RASGRP4: variants seen among roughly 807,000 people sequenced by gnomAD.
RASGRP4 encodes RAS guanyl-releasing protein 4.
A neutral mutation model predicts 84.4 loss-of-function variants in RASGRP4; 52 were observed. That is an observed-to-expected ratio of 0.62 (90% confidence interval 0.49 to 0.78). The LOEUF is 0.78. Among genes scored for constraint, RASGRP4 ranks in the 30% least tolerant of loss-of-function variants. The pLI, the probability that RASGRP4 is intolerant of heterozygous loss-of-function variation, is 0.00. For synonymous variants in RASGRP4, 356 were observed against 359.1 expected, an observed-to-expected ratio of 0.99 and a Z score of 0.10; for missense variants, 760 against 886.9, an observed-to-expected ratio of 0.86 and a Z score of 1.82.
Position 38,409,982 on chromosome 19 carries a change from G to A in RASGRP4, c.*58C>T, listed in dbSNP as rs1185354177. 2.1e-6 allele frequency: 3 copies of A among 1,436,078 alleles called. No homozygotes were observed. Among genetic ancestry groups the A allele is most frequent in the African/African-American group, 1.4e-5 (1 of 69,352 alleles). 89.0% of individuals were successfully genotyped at this position (1,436,078 alleles called of 1,614,324 possible). On this transcript the variant is annotated 3_prime_UTR_variant, in exon 17 of 17. Transcript: ENST00000615439. Reference sequence around the variant, plus strand: ...CTGGGAGCCCTGCCAGAGTCTGACGGCAGGACTCAGGACTGACTGGGGGAA... The same window carrying A: ...CTGGGAGCCCTGCCAGAGTCTGACGACAGGACTCAGGACTGACTGGGGGAA...
rs1299604141 is a variant in RASGRP4 at position 38,426,187 on chromosome 19, C to T, written c.-96G>A. On this transcript the variant is annotated 5_prime_UTR_variant, in exon 1 of 17. Transcript: ENST00000615439. ...CTCCAGCTTCTCAGCCCCTAGGGAGCTGGGGCCTCCTCGGTGCTTGGGAAG... is the reference window on the plus strand; with the variant it reads ...CTCCAGCTTCTCAGCCCCTAGGGAGTTGGGGCCTCCTCGGTGCTTGGGAAG... The T allele has an allele frequency of 1.0e-5, 10 of 1,003,552 alleles. No individual in the cohort carries two copies. The East Asian group carries it at 2.3e-4, about 23-fold the overall frequency. 62.2% of individuals were successfully genotyped at this position (1,003,552 alleles called of 1,614,324 possible).
chr19:38,413,129 C>T lies in RASGRP4; in HGVS notation c.1416+64G>A, dbSNP rs1041506967. On this transcript the variant is annotated intron_variant, in intron 11 of 16. Coordinates refer to ENST00000615439, the MANE Select transcript of RASGRP4 (RefSeq NM_170604.3). The surrounding 1 kb of genome is among the most constrained non-coding windows in gnomAD (Gnocchi z 4.7). ...ATGGCCATAAGTCCCCACCTCCAGG[C>T]TCAGGGTTCTACAGATGTCTTCCCT... 20 of 1,581,068 alleles carry T rather than the reference C, an allele frequency of 1.3e-5. No individual in the cohort carries two copies. Among genetic ancestry groups the T allele is most frequent in the African/African-American group, 6.7e-5 (5 of 74,190 alleles).
In RASGRP4 at chr19:38,426,133, T is replaced by G. The variant is rs756991411; in HGVS notation, c.-42A>C. 8 of 1,305,460 alleles carry G rather than the reference T, an allele frequency of 6.1e-6. No individual in the cohort carries two copies. Among genetic ancestry groups the G allele is most frequent in the South Asian group, 3.0e-5 (1 of 33,668 alleles). The allele number at this position is 1,305,460 out of a possible 1,614,324, so 80.9% of individuals were successfully genotyped here. A position where few individuals can be genotyped will look rare whatever the true frequency, so the allele number is the denominator to read the frequency against. On this transcript the variant is annotated 5_prime_UTR_variant, in exon 1 of 17. Transcript: ENST00000615439. Reference sequence around the variant, plus strand: ...GAGGAGGCCGGGGGTCTTGCAAGAGTAGGGCTCAGCTCCTCCCCTTGCCCA... The same window carrying G: ...GAGGAGGCCGGGGGTCTTGCAAGAGGAGGGCTCAGCTCCTCCCCTTGCCCA...
In RASGRP4 at chr19:38,411,206, C is replaced by G; in HGVS notation, c.1761G>C (p.Lys587Asn). ...CCCCTGGCCTCTTCTTACATTCTACCTTCACCTGGTCTCTGCAGTGTTTGT... is the reference window on the plus strand; with the variant it reads ...CCCCTGGCCTCTTCTTACATTCTACGTTCACCTGGTCTCTGCAGTGTTTGT... The part of the protein sequence containing the change: ...CCHKHCRDQV[K>N]VECKKRPGAK... The change falls in exon 15 of 17, where the codon AAG becomes AAC. Residue 587 changes from lysine (K) to asparagine (N), a missense_variant. Transcript: ENST00000615439. The G allele has an allele frequency of 6.2e-7, 1 of 1,613,964 alleles. No homozygotes were observed. The highest frequency in any genetic ancestry group is 8.5e-7 in the Non-Finnish European group (1 of 1,179,874).
chr19:38,425,904 C>A (rs1261404267), intron 1 of RASGRP4, among the ~76,000 whole-genome samples, 165 bp downstream of exon 1: 1 of 152,174 alleles, frequency 6.6e-6, no homozygotes, highest in Non-Finnish European at 1.5e-5. Context: ...CAAGCGACTG[C>A]AGCCGTAGCT....
In RASGRP4 at chr19:38,413,160, C is replaced by T. The variant is rs1216006386; in HGVS notation, c.1416+33G>A. ...GTTCTACAGATGTCTTCCCTCCTGG[C>T]TGCTGGCGGCCGGGCCACCCTCCCC... On this transcript the variant is annotated intron_variant, in intron 11 of 16. Coordinates refer to ENST00000615439, the MANE Select transcript of RASGRP4 (RefSeq NM_170604.3). The surrounding 1 kb of genome is among the most constrained non-coding windows in gnomAD (Gnocchi z 4.7). 25 of 1,598,538 alleles carry T rather than the reference C, an allele frequency of 1.6e-5. No individual in the cohort carries two copies. Among genetic ancestry groups the T allele is most frequent in the Non-Finnish European group, 2.0e-5 (23 of 1,167,006 alleles).
chr19:38,417,809 G>A lies in RASGRP4; in HGVS notation c.837+582C>T, dbSNP rs186057653. On this transcript the variant is annotated intron_variant, in intron 7 of 16. Coordinates refer to ENST00000615439, the MANE Select transcript of RASGRP4 (RefSeq NM_170604.3). This position sits in a 1 kb window ranked among gnomAD's most constrained non-coding sequence, Gnocchi z 5.1. ...GAGACCCCCAGGTCTCAGGGGCCCT[G>A]CAGGAGTAAGCAAGCCAGGGAAGAC... Among the ~76,000 whole-genome samples, 684 of 152,302 alleles carry A rather than the reference G, an allele frequency of 4.5e-3. 5 individuals carry two copies. Among genetic ancestry groups the A allele is most frequent in the African/African-American group, 0.016 (659 of 41,566 alleles).
intron 1 of RASGRP4, among the ~76,000 whole-genome samples, chr19:38,425,470 A>G (rs1365933672): frequency 6.6e-6 from 1 of 152,178 alleles, no homozygotes; most frequent in Non-Finnish European, 1.5e-5. Flanking sequence ...TGGGGAGGAA[A>G]GCCCTTTGCC....
At chr19:38,416,954 A>T in intron 8 of RASGRP4, 98 bp downstream of exon 8, 4 of 736,740 alleles carry the variant, frequency 5.4e-6, no homozygotes, top group Non-Finnish European at 9.7e-6. Flanking sequence ...ATGTGGTACC[A>T]GGACCCCTGG....
Position 38,409,939 on chromosome 19 carries a change from G to T in RASGRP4, c.*101C>A, listed in dbSNP as rs1210588310. 3.7e-6 allele frequency: 3 copies of T among 808,334 alleles called. No individual in the cohort carries two copies. The highest frequency in any genetic ancestry group is 3.5e-5 in the African/African-American group (2 of 57,156). The allele number at this position is 808,334 out of a possible 1,614,324, so 50.1% of individuals were successfully genotyped here. A position where few individuals can be genotyped will look rare whatever the true frequency, so the allele number is the denominator to read the frequency against. On this transcript the variant is annotated 3_prime_UTR_variant, in exon 17 of 17. Coordinates refer to ENST00000615439, the MANE Select transcript of RASGRP4 (RefSeq NM_170604.3). ...AGGCAGTGTGGATGGGAAGGCGGAT[G>T]CCTCTGGAGGCCTACCTCTGGGAGC...
rs1220387828 is a variant in RASGRP4, at chr19:38,411,228, T to C, written c.1739A>G (p.Lys580Arg). The C allele has an allele frequency of 9.9e-6, 16 of 1,613,860 alleles. No individual in the cohort carries two copies. The highest frequency in any genetic ancestry group is 1.2e-5 in the Non-Finnish European group (14 of 1,179,888). Reference sequence around the variant, plus strand: ...TACCTTCACCTGGTCTCTGCAGTGTTTGTGGCAACACAGCCCGCACTCTGG... The same window carrying C: ...TACCTTCACCTGGTCTCTGCAGTGTCTGTGGCAACACAGCCCGCACTCTGG... ...RCRECGLCCHKHCRDQVKVEC... is the reference protein window; with the variant it reads ...RCRECGLCCHRHCRDQVKVEC... The change falls in exon 15 of 17, where the codon AAA (lysine) becomes AGA (arginine). Residue 580 changes from lysine (K) to arginine (R), a missense_variant. Transcript: ENST00000615439.
At chr19:38,411,816 G>A (rs1734971385) in intron 13 of RASGRP4, among the ~76,000 whole-genome samples, 1 of 152,216 alleles carries the variant, frequency 6.6e-6, no homozygotes, top group African/African-American at 2.4e-5. Context: ...GTTGTCTGCT[G>A]TATTCCTGCT....
At chr19:38,425,334 G>A (rs1406392047) in intron 1 of RASGRP4, among the ~76,000 whole-genome samples, 2 of 152,132 alleles carry the variant, frequency 1.3e-5, no homozygotes, top group Admixed American at 6.5e-5. Flanking sequence ...AGGCCTCTCC[G>A]AGGTAGAGGA....
rs1407440842 is a variant in RASGRP4, at chr19:38,422,150, C to T, written c.27G>A (p.Lys9=). The T allele has an allele frequency of 8.1e-6, 13 of 1,607,886 alleles. No individual in the cohort carries two copies. The highest frequency in any genetic ancestry group is 1.1e-5 in the Non-Finnish European group (13 of 1,177,586). The change falls in exon 2 of 17, where the codon AAG becomes AAA. Residue 9 remains lysine (K), a synonymous_variant. Transcript: ENST00000615439. MNRKDSKR[K]SHQECTGKIG... ...TTTTTCCGGTGCATTCCTGGTGGGA[C>T]TTCCTGTGGGCACAGCCCCCAAGGA...
At position 38,414,721 on chromosome 19, in the gene RASGRP4, A is replaced by C. The variant is rs140728979; in HGVS notation, c.1230+127T>G. The C allele has an allele frequency of 3.6e-4, 347 of 968,278 alleles. 1 individual carries two copies. The East Asian group carries it at 6.8e-3, about 19-fold the overall frequency. 60.0% of individuals were successfully genotyped at this position (968,278 alleles called of 1,614,324 possible). A position where few individuals can be genotyped will look rare whatever the true frequency, so the allele number is the denominator to read the frequency against. On this transcript the variant is annotated intron_variant, in intron 9 of 16. Coordinates refer to ENST00000615439, the MANE Select transcript of RASGRP4 (RefSeq NM_170604.3). Reference sequence around the variant, plus strand: ...TCACGCAGCTAGAAAAAAACCTAGAAGTTCTGGCTTCAAAACCCATGCACT... The same window carrying C: ...TCACGCAGCTAGAAAAAAACCTAGACGTTCTGGCTTCAAAACCCATGCACT...
Position 38,410,976 on chromosome 19 carries a change from GTAGGAGTGAT to G in RASGRP4, c.1865_1874del (p.Asn622ThrfsTer36). On this transcript the variant is annotated frameshift_variant, in exon 16 of 17. Coordinates refer to ENST00000615439, the MANE Select transcript of RASGRP4 (RefSeq NM_170604.3). LOFTEE classifies it high-confidence loss of function. Reference sequence around the variant, plus strand: ...CAGTCTCAGGCTCCAGGGATAGCGTGTAGGAGTGATTTTCCTCGGAGCCTGTTTGTGGGTG... The same window carrying G: ...CAGTCTCAGGCTCCAGGGATAGCGTGTTTCCTCGGAGCCTGTTTGTGGGTG... 1 of 1,602,330 alleles carries G rather than the reference GTAGGAGTGAT, an allele frequency of 6.2e-7. No homozygotes were observed. The highest frequency in any genetic ancestry group is 8.5e-7 in the Non-Finnish European group (1 of 1,174,538).
chr19:38,411,073 C>A, intron 15 of RASGRP4, 42 bp downstream of exon 15: 2 of 1,608,930 alleles, frequency 1.2e-6, no homozygotes, highest in Non-Finnish European at 1.7e-6. Context: ...CAACCCCTTT[C>A]CCCCAGGCCC....
At chr19:38,414,348 C>T (rs1480332697) in intron 9 of RASGRP4, among the ~76,000 whole-genome samples, 1 of 144,868 alleles carries the variant, frequency 6.9e-6, no homozygotes, top group East Asian at 2.0e-4. Context: ...GAAGGAGTTT[C>T]GCTCTTCTTG....
In RASGRP4 at chr19:38,409,974, G is replaced by T. The variant is rs2145186132; in HGVS notation, c.*66C>A. 1.5e-6 allele frequency: 2 copies of T among 1,359,862 alleles called. No individual in the cohort carries two copies. Among genetic ancestry groups the T allele is most frequent in the East Asian group, 2.6e-5 (1 of 39,152 alleles). The allele number at this position is 1,359,862 out of a possible 1,614,324, so 84.2% of individuals were successfully genotyped here. On this transcript the variant is annotated 3_prime_UTR_variant, in exon 17 of 17. Coordinates refer to ENST00000615439, the MANE Select transcript of RASGRP4 (RefSeq NM_170604.3). Reference sequence around the variant, plus strand: ...GCCTACCTCTGGGAGCCCTGCCAGAGTCTGACGGCAGGACTCAGGACTGAC... The same window carrying T: ...GCCTACCTCTGGGAGCCCTGCCAGATTCTGACGGCAGGACTCAGGACTGAC...
Sources: allele counts gnomAD v4.1 joint callset (sites outside exome capture counted in the v4.1 genomes callset), GRCh38; gene constraint gnomAD v4.1.1; non-coding constraint Gnocchi (gnomAD v3.1); transcripts MANE v1.5; gene names NCBI Gene and HGNC (gene_info 2026-07-23, HGNC 2026-07-21).